Variants in MAST4 observed in about 807,000 individuals in gnomAD.
The protein encoded by MAST4 is microtubule associated serine/threonine kinase family member 4.
In MAST4, 89 loss-of-function variants were observed where a neutral mutation model predicts 162.7. The observed-to-expected ratio is 0.55, with a 90% CI of 0.46 to 0.65. The LOEUF (loss-of-function observed/expected upper bound fraction) is 0.65. Ranked by LOEUF, MAST4 falls within the 30% of genes least tolerant of loss-of-function variation. The probability of loss-of-function intolerance (pLI) is 0.00; values close to 1 mark genes in which losing one functional copy is unlikely to be tolerated. For synonymous variants in MAST4, 1,479 were observed against 1,361.1 expected (o/e 1.09, Z -1.91); for missense variants, 3,153 against 3,374.0 (o/e 0.93, Z 1.62).
chr5:66,999,465 T>C (rs1240180135), intron 4 of MAST4, among the ~76,000 whole-genome samples: 1 of 152,204 alleles, frequency 6.6e-6, no homozygotes, highest in Admixed American at 6.5e-5. Context: ...TTCTCTTATA[T>C]TTTGTTAGCT....
intron 3 of MAST4, among the ~76,000 whole-genome samples, chr5:66,863,714 A>G (rs1760282237): frequency 1.3e-5 from 2 of 151,546 alleles, no homozygotes; most frequent in African/African-American, 4.9e-5. Context: ...AGGAGACAAG[A>G]AGGAGGGAGA....
intron 1 of MAST4, among the ~76,000 whole-genome samples, chr5:66,632,745 T>C (rs112978444): frequency 0.014 from 2,077 of 152,314 alleles, 47 homozygotes; most frequent in African/African-American, 0.048. Context: ...AAAATTATTT[T>C]GGCTTCGATA....
At chr5:66,982,987 G>C (rs1749053235) in intron 4 of MAST4, among the ~76,000 whole-genome samples, 1 of 152,182 alleles carries the variant, frequency 6.6e-6, no homozygotes, top group Non-Finnish European at 1.5e-5. Context: ...TTCATCAGGA[G>C]AGTTATAGCT....
intron 17 of MAST4, among the ~76,000 whole-genome samples, chr5:67,134,130 G>A (rs1450869513): frequency 1.3e-5 from 2 of 152,090 alleles, no homozygotes; most frequent in East Asian, 3.9e-4. Flanking sequence ...TGACCTGTGT[G>A]TGAATATATT....
chr5:66,596,704 A>T lies in MAST4; in HGVS notation c.49A>T (p.Ser17Cys). 1 of 1,463,936 alleles carries T rather than the reference A, an allele frequency of 6.8e-7. No individual in the cohort carries two copies. The allele number at this position is 1,463,936 out of a possible 1,614,324, so 90.7% of individuals were successfully genotyped here. A position where few individuals can be genotyped will look rare whatever the true frequency, so the allele number is the denominator to read the frequency against. The change falls in exon 1 of 29, where the codon AGT becomes TGT. Residue 17 changes from serine (S) to cysteine (C), a missense_variant. Around this residue, in one of 7 missense-constraint regions of MAST4, gnomAD observed 327 missense variants for 336.5 expected, o/e 0.97. Coordinates refer to ENST00000403625, the MANE Select transcript of MAST4 (RefSeq NM_001164664.2). Reference sequence around the variant, plus strand: ...GCCAGAGCCGGTGCCCCGCGGCTGCAGTGGCCACGGCAGCCGGACTCCAGC... The same window carrying T: ...GCCAGAGCCGGTGCCCCGCGGCTGCTGTGGCCACGGCAGCCGGACTCCAGC... Reference protein sequence around the residue: ...EAPEPVPRGCSGHGSRTPASA... With the variant: ...EAPEPVPRGCCGHGSRTPASA...
intron 4 of MAST4, among the ~76,000 whole-genome samples, chr5:67,005,748 C>A (rs933156187): frequency 6.6e-6 from 1 of 152,248 alleles, no homozygotes; most frequent in African/African-American, 2.4e-5. Context: ...AGTTTGCTGA[C>A]ACTTGTGTTG....
intron 1 of MAST4, among the ~76,000 whole-genome samples, chr5:66,655,461 T>A (rs1052255948): frequency 6.6e-6 from 1 of 152,168 alleles, no homozygotes; most frequent in African/African-American, 2.4e-5. Context: ...AGAACAGTAA[T>A]CTGGATGTTG....
intron 12 of MAST4, among the ~76,000 whole-genome samples, chr5:67,117,643 G>A (rs1174239603): frequency 6.6e-6 from 1 of 151,666 alleles, no homozygotes; most frequent in African/African-American, 2.4e-5. Context: ...TTGAAAAATT[G>A]GAAAGTACAA....
chr5:67,163,804 A>G lies in MAST4; in HGVS notation c.4625A>G (p.Asp1542Gly), dbSNP rs1166383218. 1.2e-6 allele frequency: 2 copies of G among 1,612,484 alleles called. No individual in the cohort carries two copies. Among genetic ancestry groups the G allele is most frequent in the Non-Finnish European group, 1.7e-6 (2 of 1,179,260 alleles). ...LKAKVVVKKA[D>G]GFPEKQESHQ... ...GCCAAGGTGGTGGTGAAGAAAGCAGACGGCTTCCCAGAGAAACAGGAATCC... is the reference window on the plus strand; with the variant it reads ...GCCAAGGTGGTGGTGAAGAAAGCAGGCGGCTTCCCAGAGAAACAGGAATCC... The change falls in exon 29 of 29, where the codon GAC (aspartate) becomes GGC (glycine). Residue 1542 changes from aspartate (D) to glycine (G), a missense_variant. Physicochemically the swap from Asp to Gly is moderately conservative, Grantham distance 94. Transcript: ENST00000403625. This position sits in a 1 kb window ranked among gnomAD's most constrained non-coding sequence, Gnocchi z 7.0.
intron 3 of MAST4, among the ~76,000 whole-genome samples, chr5:66,826,962 T>C (rs376282245): frequency 3.9e-5 from 6 of 152,196 alleles, no homozygotes; most frequent in Admixed American, 3.9e-4. Context: ...GCAACAATTG[T>C]CGTTCCCTTC....
chr5:66,894,380 C>T lies in MAST4; in HGVS notation c.643-5571C>T, dbSNP rs149529274. The stretch of plus-strand genomic sequence containing the variant: ...ATTATCTCATTCCTTTTTATTTTCT[C>T]TCCTCTGTTAGCATTTACACATTCA... On this transcript the variant is annotated intron_variant, in intron 3 of 28. Transcript: ENST00000403625. Among the ~76,000 whole-genome samples the T allele has an allele frequency of 5.3e-3, 804 of 152,266 alleles. 8 individuals are homozygous for T. The highest frequency in any genetic ancestry group is 0.018 in the African/African-American group (761 of 41,548).
intron 2 of MAST4, among the ~76,000 whole-genome samples, chr5:66,778,198 A>T (rs983996079): frequency 1.3e-4 from 20 of 152,314 alleles, no homozygotes; most frequent in Non-Finnish European, 2.6e-4. Flanking sequence ...ATACTTCTTT[A>T]AAAATCAATT....
At chr5:66,908,676 G>A (rs1247727215) in intron 4 of MAST4, among the ~76,000 whole-genome samples, 1 of 152,130 alleles carries the variant, frequency 6.6e-6, no homozygotes, top group Non-Finnish European at 1.5e-5. Flanking sequence ...GTCCTTTTCA[G>A]CAATGCTTAT....
At chr5:66,649,620 C>G (rs997990501) in intron 1 of MAST4, among the ~76,000 whole-genome samples, 5 of 152,176 alleles carry the variant, frequency 3.3e-5, no homozygotes, top group Non-Finnish European at 7.4e-5. Flanking sequence ...ACTGGGAGGA[C>G]TTCCCTGGTC....
chr5:67,160,752 T>C (rs1198494708), intron 27 of MAST4, among the ~76,000 whole-genome samples, 160 bp downstream of exon 27: 1 of 152,258 alleles, frequency 6.6e-6, no homozygotes, highest in East Asian at 1.9e-4. Context: ...ATATTCATAA[T>C]AGCATCAACT....
intron 1 of MAST4, among the ~76,000 whole-genome samples, chr5:66,744,334 A>G (rs1033375662): frequency 5.9e-5 from 9 of 152,214 alleles, no homozygotes; most frequent in Non-Finnish European, 1.3e-4. Context: ...CTCTTGGGTC[A>G]GAGCTATCCA....
chr5:66,928,371 C>A (rs1390847810), intron 4 of MAST4, among the ~76,000 whole-genome samples: 4 of 152,190 alleles, frequency 2.6e-5, no homozygotes, highest in Non-Finnish European at 4.4e-5. Flanking sequence ...AGGGATAAGA[C>A]AAATTACTTG....
intron 1 of MAST4, among the ~76,000 whole-genome samples, chr5:66,743,983 C>A (rs1752612398): frequency 6.6e-6 from 1 of 152,106 alleles, no homozygotes; most frequent in Non-Finnish European, 1.5e-5. Flanking sequence ...ATTGCATTTT[C>A]TGAACATCTC....
At chr5:66,659,429 A>G (rs1445228248) in intron 1 of MAST4, among the ~76,000 whole-genome samples, 1 of 152,216 alleles carries the variant, frequency 6.6e-6, no homozygotes, top group Non-Finnish European at 1.5e-5. Flanking sequence ...GCAATGAGAC[A>G]GTGGATTTGT....
Sources: allele counts gnomAD v4.1 joint callset (sites outside exome capture counted in the v4.1 genomes callset), GRCh38; gene constraint gnomAD v4.1.1; regional missense constraint gnomAD v4.1.1; non-coding constraint Gnocchi (gnomAD v3.1); transcripts MANE v1.5; gene names NCBI Gene and HGNC (gene_info 2026-07-23, HGNC 2026-07-21).